Variants in ASTN2 observed in about 807,000 individuals in gnomAD.
ASTN2 encodes astrotactin 2, also known as astrotactin-2.
A neutral mutation model predicts 139.8 loss-of-function variants in ASTN2; 54 were observed. The ratio of observed to expected loss-of-function variants is 0.39; its 90% confidence interval spans 0.31 to 0.48. The LOEUF is 0.48. Ranked by LOEUF, ASTN2 falls within the 20% of genes least tolerant of loss-of-function variation. The probability of loss-of-function intolerance (pLI) is 0.95; values close to 1 mark genes in which losing one functional copy is unlikely to be tolerated. For synonymous variants in ASTN2, 756 were observed against 719.5 expected (o/e 1.05, Z -0.81); for missense variants, 1,565 against 1,725.1 (o/e 0.91, Z 1.64).
intron 1 of ASTN2, among the ~76,000 whole-genome samples, chr9:117,408,860 C>T (rs1272450518): frequency 1.3e-5 from 2 of 152,090 alleles, no homozygotes; most frequent in East Asian, 1.9e-4. Context: ...TTTCACTCTG[C>T]CCTGAGCATT....
intron 1 of ASTN2, among the ~76,000 whole-genome samples, chr9:117,325,885 G>A (rs778116217): frequency 7.9e-5 from 12 of 152,216 alleles, no homozygotes; most frequent in Middle Eastern, 3.4e-3. Context: ...TCAGTCCCCA[G>A]GCAGGTCATA....
At chr9:116,790,454 C>G (rs1225778677) in intron 13 of ASTN2, among the ~76,000 whole-genome samples, 2 of 152,024 alleles carry the variant, frequency 1.3e-5, no homozygotes, top group Non-Finnish European at 2.9e-5. Flanking sequence ...CATCCCTCCA[C>G]CCCTTCATGA....
rs1049302912 is a variant in ASTN2 at position 116,820,625 on chromosome 9, C to T, written c.2199G>A (p.Met733Ile). 2 of 1,613,668 alleles carry T rather than the reference C, an allele frequency of 1.2e-6. No individual in the cohort carries two copies. The highest frequency in any genetic ancestry group is 1.7e-6 in the Non-Finnish European group (2 of 1,179,786). ...TGGGGACAGAGACTCACCCGCAGAACATGAAGATGGTGCTCGAAGTGGCAT... is the reference window on the plus strand; with the variant it reads ...TGGGGACAGAGACTCACCCGCAGAATATGAAGATGGTGCTCGAAGTGGCAT... The part of the protein sequence containing the change: ...PYDATSSTIF[M>I]FCGCVEEYKL... Residue 733 changes from methionine (M) to isoleucine (I), a missense_variant, in exon 12 of 23, where the codon ATG becomes ATA. Met to Ile is a conservative substitution (Grantham distance 10, BLOSUM62 1). Coordinates refer to ENST00000313400, the MANE Select transcript of ASTN2 (RefSeq NM_001365068.1).
chr9:116,479,194 G>T (rs1223369189), intron 20 of ASTN2, among the ~76,000 whole-genome samples: 4 of 151,964 alleles, frequency 2.6e-5, no homozygotes, highest in Admixed American at 6.6e-5. Context: ...CCTATCATCT[G>T]GACAAGCACT....
chr9:116,596,241 G>A (rs1854570429), intron 19 of ASTN2, among the ~76,000 whole-genome samples: 1 of 152,206 alleles, frequency 6.6e-6, no homozygotes. Context: ...CAAAGTCAAA[G>A]AAGCTGAGAA....
intron 19 of ASTN2, among the ~76,000 whole-genome samples, chr9:116,506,467 C>T (rs1850113017): frequency 3.3e-5 from 5 of 151,590 alleles, no homozygotes; most frequent in South Asian, 4.2e-4. Flanking sequence ...ACCTCTTAGG[C>T]GGGAAGCCCC....
At chr9:117,076,233 T>G (rs980594666) in intron 5 of ASTN2, among the ~76,000 whole-genome samples, 2 of 152,158 alleles carry the variant, frequency 1.3e-5, no homozygotes, top group African/African-American at 4.8e-5. Flanking sequence ...GGGGAATAGC[T>G]GAACTGATTT....
At chr9:117,409,549 G>C (rs930111289) in intron 1 of ASTN2, among the ~76,000 whole-genome samples, 12 of 152,166 alleles carry the variant, frequency 7.9e-5, no homozygotes, top group Non-Finnish European at 1.6e-4. Context: ...CCTCCTGTAG[G>C]GCTCAGCTCT....
At chr9:116,628,755 G>A (rs1856586430) in intron 17 of ASTN2, among the ~76,000 whole-genome samples, 1 of 152,192 alleles carries the variant, frequency 6.6e-6, no homozygotes, top group African/African-American at 2.4e-5. Flanking sequence ...GTCAATGCAG[G>A]TTCACTGATT....
At chr9:116,873,089 A>C (rs950813126) in intron 10 of ASTN2, among the ~76,000 whole-genome samples, 3 of 152,220 alleles carry the variant, frequency 2.0e-5, no homozygotes, top group African/African-American at 7.2e-5. Flanking sequence ...GTGCATTCAT[A>C]ATATGCCAAT....
intron 3 of ASTN2, among the ~76,000 whole-genome samples, chr9:117,193,814 G>T (rs1831415642): frequency 6.6e-6 from 1 of 152,086 alleles, no homozygotes; most frequent in African/African-American, 2.4e-5. Context: ...ACGTGCTCCT[G>T]GCAGCACCCT....
intron 7 of ASTN2, among the ~76,000 whole-genome samples, chr9:116,999,354 T>C (rs891106378): frequency 2.0e-5 from 3 of 152,076 alleles, no homozygotes; most frequent in Non-Finnish European, 2.9e-5. Context: ...TTACACTAGA[T>C]GATGGCTAGG....
At position 116,479,018 on chromosome 9, in the gene ASTN2, A is replaced by C. The variant is rs1035170585; in HGVS notation, c.3497+8341T>G. ...AAAAAAAAAAAAAAAAAAAAAAAAA[A>C]GGGAAATGCACAGCCTCTGAATTCA... is the stretch of plus-strand genomic sequence containing the variant. On this transcript the variant is annotated intron_variant, in intron 20 of 22. Coordinates refer to ENST00000313400, the MANE Select transcript of ASTN2 (RefSeq NM_001365068.1). Among the ~76,000 whole-genome samples the C allele has an allele frequency of 2.6e-4, 33 of 128,358 alleles. 1 individual carries two copies. Among genetic ancestry groups the C allele is most frequent in the African/African-American group, 8.8e-4 (32 of 36,328 alleles). 84.2% of individuals were successfully genotyped at this position (128,358 alleles called of 152,430 possible).
At chr9:117,339,307 A>G (rs1422704558) in intron 1 of ASTN2, among the ~76,000 whole-genome samples, 3 of 152,096 alleles carry the variant, frequency 2.0e-5, no homozygotes, top group Admixed American at 6.5e-5. Context: ...CGCTCTTTCC[A>G]CTATGCCACA....
intron 10 of ASTN2, among the ~76,000 whole-genome samples, chr9:116,909,411 T>C (rs1254210691): frequency 6.6e-6 from 1 of 152,234 alleles, no homozygotes; most frequent in Non-Finnish European, 1.5e-5. Context: ...TAGTCAAGGA[T>C]AACTCCAAGT....
intron 2 of ASTN2, among the ~76,000 whole-genome samples, chr9:117,273,840 C>A (rs1834121894): frequency 6.6e-6 from 1 of 152,180 alleles, no homozygotes; most frequent in Non-Finnish European, 1.5e-5. Flanking sequence ...TGGCAGCAGC[C>A]CAGTTTATCA....
chr9:117,212,679 G>T (rs944151199), intron 3 of ASTN2, among the ~76,000 whole-genome samples: 1 of 152,030 alleles, frequency 6.6e-6, no homozygotes, highest in Non-Finnish European at 1.5e-5. Flanking sequence ...ACAAATATAC[G>T]AAAACATGCT....
At chr9:117,156,266 T>C (rs1451550310) in intron 3 of ASTN2, among the ~76,000 whole-genome samples, 1 of 152,086 alleles carries the variant, frequency 6.6e-6, no homozygotes, top group East Asian at 1.9e-4. Flanking sequence ...TAAAGGGTTT[T>C]GAAGTTATAA....
At chr9:116,961,913 T>A (rs1835884568) in intron 10 of ASTN2, among the ~76,000 whole-genome samples, 1 of 152,220 alleles carries the variant, frequency 6.6e-6, no homozygotes, top group Non-Finnish European at 1.5e-5. Context: ...GCATCATGCA[T>A]CAATTCACTT....
Sources: gnomAD v4.1 joint callset for allele counts (sites outside exome capture counted in the v4.1 genomes callset) on GRCh38, gnomAD v4.1.1 for gene constraint, MANE v1.5 for transcripts, NCBI Gene and HGNC (gene_info 2026-07-23, HGNC 2026-07-21) for gene names.